The following LRBA variants were observed in gnomAD, a reference collection of about 807,000 sequenced individuals.
LRBA encodes lipopolysaccharide-responsive and beige-like anchor protein.
In LRBA, 176 loss-of-function variants were observed where a neutral mutation model predicts 330.0. The ratio of observed to expected loss-of-function variants is 0.53; its 90% CI spans 0.47 to 0.60. The LOEUF (loss-of-function observed/expected upper bound fraction) is 0.60, where lower values mean the gene tolerates loss of function less well. Ranked by LOEUF, LRBA falls within the 20% of genes least tolerant of loss-of-function variation. The probability of loss-of-function intolerance (pLI) is 0.00; values close to 1 mark genes in which losing one functional copy is unlikely to be tolerated. For missense variants in LRBA, 3,259 were observed against 3,444.8 expected (o/e 0.95, Z 1.35); for synonymous variants, 1,230 against 1,193.0 (o/e 1.03, Z -0.64).
intron 40 of LRBA, among the ~76,000 whole-genome samples, chr4:150,561,340 T>G (rs535835434): frequency 6.6e-6 from 1 of 152,140 alleles, no homozygotes; most frequent in Non-Finnish European, 1.5e-5. Context: ...CTCCCAAAGA[T>G]GTCCACATTC....
chr4:150,800,248 C>A (rs1741408877), intron 33 of LRBA, among the ~76,000 whole-genome samples: 3 of 152,090 alleles, frequency 2.0e-5, no homozygotes, highest in African/African-American at 4.8e-5. Flanking sequence ...TCGGTTTGAA[C>A]AATTAAGGTG....
chr4:150,608,641 A>G (rs142369202), intron 37 of LRBA, among the ~76,000 whole-genome samples: 8 of 152,318 alleles, frequency 5.3e-5, no homozygotes, highest in African/African-American at 1.9e-4. Context: ...TTTAAAATGT[A>G]CAATTCAACG....
chr4:150,638,795 C>T (rs1229548642), intron 37 of LRBA, among the ~76,000 whole-genome samples: 35 of 117,082 alleles, frequency 3.0e-4, no homozygotes, highest in African/African-American at 1.1e-3. Flanking sequence ...GTCAGTGTGG[C>T]GATTCCTCAG....
chr4:150,597,100 A>T lies in LRBA; in HGVS notation c.6046+1907T>A, dbSNP rs749763046. 5.0e-6 allele frequency: 7 copies of T among 1,402,662 alleles called. No individual in the cohort carries two copies. In the East Asian group the frequency reaches 1.7e-4, roughly 34 times the overall value. 86.9% of individuals were successfully genotyped at this position (1,402,662 alleles called of 1,614,324 possible). A position where few individuals can be genotyped will look rare whatever the true frequency, so the allele number is the denominator to read the frequency against. On this transcript the variant is annotated intron_variant, in intron 38 of 56. Coordinates refer to ENST00000651943, the MANE Select transcript of LRBA (RefSeq NM_001364905.1). ...ATGCTTACCTTTGCTGTTCTCTCTCAATTTAAAAATGCACACTAAAACATA... is the reference window on the plus strand; with the variant it reads ...ATGCTTACCTTTGCTGTTCTCTCTCTATTTAAAAATGCACACTAAAACATA...
intron 2 of LRBA, among the ~76,000 whole-genome samples, chr4:150,963,761 C>T (rs1191177208): frequency 6.8e-6 from 1 of 148,096 alleles, no homozygotes; most frequent in East Asian, 2.0e-4. Flanking sequence ...CCTGGCCGCC[C>T]ATCGTCTGGG....
At chr4:150,551,168 C>G (rs764995557) in intron 40 of LRBA, among the ~76,000 whole-genome samples, 10 of 152,134 alleles carry the variant, frequency 6.6e-5, no homozygotes, top group Non-Finnish European at 1.2e-4. Context: ...GTCTTCTGCC[C>G]TGGGATGACT....
chr4:150,472,950 T>C (rs1756315111), intron 42 of LRBA, among the ~76,000 whole-genome samples: 1 of 152,170 alleles, frequency 6.6e-6, no homozygotes, highest in Non-Finnish European at 1.5e-5. Context: ...CATTCATGTA[T>C]ATATCTTTAT....
At chr4:150,375,487 T>C (rs1400659125) in intron 47 of LRBA, among the ~76,000 whole-genome samples, 1 of 148,034 alleles carries the variant, frequency 6.8e-6, no homozygotes, top group Non-Finnish European at 1.5e-5. Context: ...AGATGGAGTC[T>C]CACTATGTCA....
chr4:150,347,235 T>C (rs985266539), intron 48 of LRBA, among the ~76,000 whole-genome samples: 4 of 152,206 alleles, frequency 2.6e-5, no homozygotes, highest in Non-Finnish European at 5.9e-5. Flanking sequence ...TGAGGAGTTA[T>C]TGTTTAATGC....
chr4:150,896,301 T>A (rs1461115492), intron 16 of LRBA, 93 bp downstream of exon 16: 21 of 657,566 alleles, frequency 3.2e-5, no homozygotes, highest in Non-Finnish European at 5.3e-6. Flanking sequence ...TACAGTTACA[T>A]AATTACTGAA....
chr4:150,736,649 G>T (rs1031007786), intron 35 of LRBA, among the ~76,000 whole-genome samples: 2 of 152,102 alleles, frequency 1.3e-5, no homozygotes, highest in Non-Finnish European at 2.9e-5. Context: ...GTATAAGAAA[G>T]AGTAGATACA....
chr4:150,500,790 C>T (rs1760166260), intron 40 of LRBA, among the ~76,000 whole-genome samples: 1 of 152,058 alleles, frequency 6.6e-6, no homozygotes, highest in Non-Finnish European at 1.5e-5. Context: ...GTTCTTTGAA[C>T]ACAGCAAGCA....
chr4:150,620,032 T>C (rs151248968), intron 37 of LRBA, among the ~76,000 whole-genome samples: 60 of 152,266 alleles, frequency 3.9e-4, no homozygotes, highest in African/African-American at 1.4e-3. Flanking sequence ...ATTCCTATTA[T>C]GTAAAAAGAA....
chr4:150,830,018 T>C (rs939924806), intron 29 of LRBA, among the ~76,000 whole-genome samples: 1 of 152,196 alleles, frequency 6.6e-6, no homozygotes, highest in Admixed American at 6.5e-5. Flanking sequence ...ATTCAGAATC[T>C]GACTGCCTCT....
chr4:151,012,108 G>A (rs1286792853), intron 2 of LRBA, among the ~76,000 whole-genome samples: 1 of 152,130 alleles, frequency 6.6e-6, no homozygotes, highest in Non-Finnish European at 1.5e-5. Flanking sequence ...CCTGACAAGC[G>A]AATGATATTG....
intron 56 of LRBA, among the ~76,000 whole-genome samples, chr4:150,275,160 CAG>C (rs1168517567): frequency 2.0e-5 from 3 of 152,174 alleles, no homozygotes; most frequent in Admixed American, 6.5e-5. Flanking sequence ...ATCACATAAA[CAG>C]AATCAATGAC....
intron 9 of LRBA, among the ~76,000 whole-genome samples, chr4:150,913,013 A>G (rs540668924): frequency 5.3e-5 from 8 of 152,214 alleles, no homozygotes; most frequent in Non-Finnish European, 7.3e-5. Flanking sequence ...TTTCTACATT[A>G]AAAACTTGGT....
intron 36 of LRBA, among the ~76,000 whole-genome samples, chr4:150,733,195 T>C (rs1730702519): frequency 6.6e-6 from 1 of 152,040 alleles, no homozygotes; most frequent in Non-Finnish European, 1.5e-5. Context: ...TTTCTCTCTT[T>C]GGCTATAAAA....
chr4:150,502,506 G>C (rs553409076), intron 40 of LRBA, among the ~76,000 whole-genome samples: 8 of 152,286 alleles, frequency 5.3e-5, no homozygotes, highest in Admixed American at 3.9e-4. Context: ...CATGAGGAGA[G>C]AACTTAATTA....
Sources: allele counts gnomAD v4.1 joint callset (sites outside exome capture counted in the v4.1 genomes callset), GRCh38; gene constraint gnomAD v4.1.1; transcripts MANE v1.5; gene names NCBI Gene and HGNC (gene_info 2026-07-23, HGNC 2026-07-21).